The following USP4 variants were observed in gnomAD, a reference collection of about 807,000 sequenced individuals.
USP4 encodes the protein ubiquitin carboxyl-terminal hydrolase 4.
USP4 carries 72 observed loss-of-function variants against 118.2 expected under a neutral mutation model. That is an observed-to-expected ratio of 0.61 (90% CI 0.50 to 0.74). The LOEUF is 0.74. USP4 is among the 30% of genes least tolerant of loss of function. The pLI, the probability that USP4 is intolerant of heterozygous loss-of-function variation, is 0.00. For missense variants in USP4, 1,037 were observed against 1,185.7 expected, an observed-to-expected ratio of 0.87 and a Z score of 1.84; for synonymous variants, 415 against 440.4, an observed-to-expected ratio of 0.94 and a Z score of 0.72.
intron 1 of USP4, among the ~76,000 whole-genome samples, chr3:49,338,486 C>G (rs1684164791): frequency 6.6e-6 from 1 of 151,362 alleles, no homozygotes; most frequent in Non-Finnish European, 1.5e-5. Context: ...TGGAGAAACC[C>G]CGTCTCTACT....
chr3:49,284,288 A>G, intron 18 of USP4, 152 bp from the exon 19 acceptor site: 1 of 1,215,322 alleles, frequency 8.2e-7, no homozygotes, highest in Non-Finnish European at 1.2e-6. Flanking sequence ...CCTGTCTTCC[A>G]AAATGGGGTG....
At chr3:49,292,641 G>T in intron 14 of USP4, 43 bp from the exon 15 acceptor site, 1 of 1,359,416 alleles carries the variant, frequency 7.4e-7, no homozygotes, top group South Asian at 1.3e-5. Flanking sequence ...ATTGTTAGTT[G>T]TAACATTTAT....
Position 49,286,155 on chromosome 3 carries a change from A to G in USP4, c.2143T>C (p.Tyr715His). 2 of 1,614,208 alleles carry G rather than the reference A, an allele frequency of 1.2e-6. No homozygotes were observed. Among genetic ancestry groups the G allele is most frequent in the East Asian group, 4.5e-5 (2 of 44,890 alleles). Reference sequence around the variant, plus strand: ...AGTGAATTTATGTCAGCTGTTCCATAGGAGTTCACAAGACTGAAGGTAAAA... The same window carrying G: ...AGTGAATTTATGTCAGCTGTTCCATGGGAGTTCACAAGACTGAAGGTAAAA... ...RLFTFSLVNS[Y>H]GTADINSLAA... Residue 715 changes from tyrosine to histidine, a missense_variant, in exon 16 of 22, where the codon TAT becomes CAT. By Grantham distance (83) the Tyr-to-His change is moderately conservative (BLOSUM62 2). Coordinates refer to ENST00000265560, the MANE Select transcript of USP4 (RefSeq NM_003363.4).
At chr3:49,288,694 G>T (rs1457043789) in intron 15 of USP4, among the ~76,000 whole-genome samples, 3 of 151,584 alleles carry the variant, frequency 2.0e-5, no homozygotes, top group African/African-American at 7.3e-5. Flanking sequence ...GAAAAGAAAA[G>T]AAAAAGAAAA....
intron 7 of USP4, 49 bp from the exon 8 acceptor site, chr3:49,310,786 G>T: frequency 6.9e-7 from 1 of 1,452,646 alleles, no homozygotes; most frequent in Non-Finnish European, 9.7e-7. Flanking sequence ...CATAACACAT[G>T]CCCTCAAGAT....
At chr3:49,283,300 C>T (rs1259642502) in intron 19 of USP4, among the ~76,000 whole-genome samples, 3 of 152,010 alleles carry the variant, frequency 2.0e-5, no homozygotes, top group Non-Finnish European at 4.4e-5. Context: ...AAGCATGAGC[C>T]ACCGTGCCCA....
intron 19 of USP4, 137 bp from the exon 20 acceptor site, chr3:49,280,984 G>C: frequency 1.6e-5 from 10 of 635,528 alleles, no homozygotes. Flanking sequence ...GACCAAGATG[G>C]AAGGGACTCT....
chr3:49,313,561 A>G (rs2047407898), intron 6 of USP4, among the ~76,000 whole-genome samples: 1 of 152,116 alleles, frequency 6.6e-6, no homozygotes, highest in Admixed American at 6.6e-5. Context: ...ATAAGAGATG[A>G]CTTTCCCCAA....
intron 6 of USP4, among the ~76,000 whole-genome samples, chr3:49,314,348 C>T (rs1037379862): frequency 1.3e-5 from 2 of 152,160 alleles, no homozygotes; most frequent in Non-Finnish European, 2.9e-5. Flanking sequence ...ATGTACCCTT[C>T]TCTAATCCTA....
chr3:49,327,569 C>T (rs2047569969), intron 3 of USP4, 117 bp downstream of exon 3: 10 of 1,128,088 alleles, frequency 8.9e-6, no homozygotes, highest in East Asian at 5.0e-5. Context: ...AACAAGGCCT[C>T]AAGCACCACT....
chr3:49,305,743 T>A lies in USP4; in HGVS notation c.1100A>T (p.Asp367Val). The A allele has an allele frequency of 6.2e-7, 1 of 1,611,426 alleles. No individual in the cohort carries two copies. Among genetic ancestry groups the A allele is most frequent in the Non-Finnish European group, 8.5e-7 (1 of 1,178,876 alleles). ...GAACATGCGAGGTGCCACATGGGCG[T>A]CCCTTCCAGACCACATCTGCTTAAT... is the stretch of plus-strand genomic sequence containing the variant. ...ELIKQMWSGR[D>V]AHVAPRMFKT... is the part of the protein sequence containing the mutation. The change falls in exon 9 of 22, where the codon GAC becomes GTC. Residue 367 changes from aspartate (D) to valine (V), a missense_variant. Around this residue, in one of 3 missense-constraint regions of USP4, gnomAD observed 487 missense variants for 534.1 expected, o/e 0.91. Coordinates refer to ENST00000265560, the MANE Select transcript of USP4 (RefSeq NM_003363.4).
intron 2 of USP4, among the ~76,000 whole-genome samples, chr3:49,331,243 C>T (rs2047614438): frequency 6.6e-6 from 1 of 152,084 alleles, no homozygotes; most frequent in Non-Finnish European, 1.5e-5. Context: ...TCGCTTGAAC[C>T]TGGGAGGCAG....
chr3:49,293,984 T>C (rs968119337), intron 14 of USP4, among the ~76,000 whole-genome samples: 2 of 151,276 alleles, frequency 1.3e-5, no homozygotes, highest in African/African-American at 4.9e-5. Flanking sequence ...GCATTTTTTT[T>C]TTTTTTTTTG....
chr3:49,286,680 TAAATG>T (rs2107768121), intron 15 of USP4, among the ~76,000 whole-genome samples: 1 of 152,154 alleles, frequency 6.6e-6, no homozygotes, highest in East Asian at 1.9e-4. Flanking sequence ...GAAAAGGGCT[TAAATG>T]AAACGCACAC....
chr3:49,294,591 C>T lies in USP4; in HGVS notation c.1699G>A (p.Val567Ile). The change falls in exon 14 of 22, where the codon GTC becomes ATC. Residue 567 changes from valine to isoleucine, a missense_variant. By Grantham distance (29) the Val-to-Ile change is conservative (BLOSUM62 3). Around this residue, in one of 3 missense-constraint regions of USP4, gnomAD observed 522 missense variants for 592.6 expected, o/e 0.88. Transcript: ENST00000265560. ...GAGCCATCCACGGAAGTGCTGCAGA[C>T]CTCGTACCTGCGTCAATCACACAAG... ...MPRDDIFVYE[V>I]CSTSVDGSEC... The T allele has an allele frequency of 6.2e-7, 1 of 1,613,340 alleles. No homozygotes were observed. Among genetic ancestry groups the T allele is most frequent in the South Asian group, 1.1e-5 (1 of 91,016 alleles).
Position 49,277,305 on chromosome 3 carries a change from G to C in USP4, c.*988C>G. On this transcript the variant is annotated 3_prime_UTR_variant, in exon 22 of 22. Transcript: ENST00000265560. ...AAAAAATCCCGGACCCATACGTCCG[G>C]TTCCTTAAGGCCTTGCCCACACGCA... 2.5e-6 allele frequency: 3 copies of C among 1,195,420 alleles called. No individual in the cohort carries two copies. The highest frequency in any genetic ancestry group is 3.3e-6 in the Non-Finnish European group (3 of 906,704). The allele number at this position is 1,195,420 out of a possible 1,614,324, so 74.1% of individuals were successfully genotyped here. A position where few individuals can be genotyped will look rare whatever the true frequency, so the allele number is the denominator to read the frequency against.
chr3:49,317,747 T>G (rs1163273767), intron 6 of USP4, among the ~76,000 whole-genome samples: 2 of 149,928 alleles, frequency 1.3e-5, no homozygotes, highest in Non-Finnish European at 3.0e-5. Flanking sequence ...AGAGACGGGG[T>G]TTCACTGTGT....
chr3:49,328,845 C>G (rs139091237), intron 2 of USP4, among the ~76,000 whole-genome samples: 149 of 151,756 alleles, frequency 9.8e-4, no homozygotes, highest in African/African-American at 3.5e-3. Context: ...GGTGACAGAG[C>G]AAGACTCTGT....
At chr3:49,298,028 A>C in intron 12 of USP4, 64 bp from the exon 13 acceptor site, 5 of 1,059,312 alleles carry the variant, frequency 4.7e-6, no homozygotes, top group Non-Finnish European at 7.2e-6. Context: ...AACTGCTTAA[A>C]ACCCAGAAAC....
Sources: allele counts gnomAD v4.1 joint callset (sites outside exome capture counted in the v4.1 genomes callset), GRCh38; gene constraint gnomAD v4.1.1; regional missense constraint gnomAD v4.1.1; transcripts MANE v1.5; gene names NCBI Gene and HGNC (gene_info 2026-07-23, HGNC 2026-07-21).